ZGLP1: variants seen among roughly 807,000 people sequenced by gnomAD.
ZGLP1 encodes the protein zinc finger GATA like protein 1.
In ZGLP1, 11 loss-of-function variants were observed where a neutral mutation model predicts 21.4. That is an observed-to-expected ratio of 0.51 (90% CI 0.32 to 0.85). ZGLP1 has a LOEUF of 0.85. ZGLP1 is among the 40% of genes least tolerant of loss of function. The pLI, the probability that ZGLP1 is intolerant of heterozygous loss-of-function variation, is 0.03. For missense variants in ZGLP1, 295 were observed against 355.6 expected (o/e 0.83, Z 1.37); for synonymous variants, 148 against 145.0 (o/e 1.02, Z -0.15).
exon 1 of ZGLP1, chr19:10,308,957 G>A (rs2040296698): frequency 3.4e-6 from 1 of 291,028 alleles, no homozygotes; most frequent in Admixed American, 4.9e-5. Context: ...TCAGGACTCA[G>A]TGCAGCCTAG....
rs774150680 is a variant in ZGLP1, at chr19:10,305,183, A to G, written c.724T>C (p.Ser242Pro). Reference sequence around the variant, plus strand: ...TTCCTGGGCACCAGCCAGCAGCTGGAGCAGCGAGTGCCGTATTTCTTGTAC... The same window carrying G: ...TTCCTGGGCACCAGCCAGCAGCTGGGGCAGCGAGTGCCGTATTTCTTGTAC... Residue 242 changes from serine (S) to proline (P), a missense_variant, in exon 4 of 4, where the codon TCC becomes CCC. Around this residue, in one of 2 missense-constraint regions of ZGLP1, gnomAD observed 43 missense variants for 91.7 expected, o/e 0.47. Coordinates refer to ENST00000403903, the Ensembl canonical transcript of ZGLP1. This position sits in a 1 kb window ranked among gnomAD's most constrained non-coding sequence, Gnocchi z 4.7. 2.5e-6 allele frequency: 4 copies of G among 1,613,854 alleles called. No individual in the cohort carries two copies. The highest frequency in any genetic ancestry group is 3.4e-6 in the Non-Finnish European group (4 of 1,179,900).
In ZGLP1 at chr19:10,305,802, T is replaced by C. The variant is rs1201277766; in HGVS notation, c.604+44A>G. On this transcript the variant is annotated intron_variant, in intron 2 of 3. Coordinates refer to ENST00000403903, the Ensembl canonical transcript of ZGLP1. The surrounding 1 kb of genome is among the most constrained non-coding windows in gnomAD (Gnocchi z 4.7). ...GGAGAAAGGCAGGGAAGACAGGAAA[T>C]TGGCCCCCAAAATATTTATAGCTCT... The C allele has an allele frequency of 1.4e-6, 2 of 1,448,508 alleles. No homozygotes were observed. Among genetic ancestry groups the C allele is most frequent in the East Asian group, 2.5e-5 (1 of 40,496 alleles). 89.7% of individuals were successfully genotyped at this position (1,448,508 alleles called of 1,614,324 possible). A position where few individuals can be genotyped will look rare whatever the true frequency, so the allele number is the denominator to read the frequency against.
chr19:10,305,446 G>A lies in ZGLP1; in HGVS notation c.642C>T (p.Thr214=). The A allele has an allele frequency of 6.3e-7, 1 of 1,599,906 alleles. No homozygotes were observed. Among genetic ancestry groups the A allele is most frequent in the Non-Finnish European group, 8.5e-7 (1 of 1,173,424 alleles). The change falls in exon 3 of 4, where the codon ACC becomes ACT. Residue 214 remains threonine (T), a synonymous_variant. Coordinates refer to ENST00000403903, the Ensembl canonical transcript of ZGLP1. The surrounding 1 kb of genome is among the most constrained non-coding windows in gnomAD (Gnocchi z 4.7). ...CATCTTCAGCGTCTCTCCAGAGCGG[G>A]GTCCTCTGGGTCCGACAGGAAGCAC...
intron 1 of ZGLP1, 117 bp from the exon 3 acceptor site, chr19:10,306,069 T>A (rs771260245): frequency 1.7e-6 from 1 of 581,814 alleles, no homozygotes; most frequent in Non-Finnish European, 3.0e-6. Flanking sequence ...GCAACTAATA[T>A]CTGAATGGCC....
exon 1 of ZGLP1, chr19:10,308,445 C>A: frequency 6.2e-7 from 1 of 1,610,172 alleles, no homozygotes. Context: ...CCCAGCAAGG[C>A]CCCAGGACCG....
chr19:10,304,949 C>A (rs1455752665), exon 4 of ZGLP1: 5 of 680,400 alleles, frequency 7.3e-6, no homozygotes, highest in Middle Eastern at 4.0e-4. Context: ...CCTGGGTCTT[C>A]CCCCGGGATC....
exon 1 of ZGLP1, chr19:10,308,855 G>T (rs1179345585): frequency 6.3e-6 from 3 of 477,554 alleles, no homozygotes; most frequent in African/African-American, 2.0e-5. Flanking sequence ...GCCTCTGGCT[G>T]CAGGATCGAG....
rs1221389005 is a variant in ZGLP1, at chr19:10,305,178, G to C, written c.729C>G (p.Ser243Arg). The C allele has an allele frequency of 6.2e-7, 1 of 1,614,026 alleles. No individual in the cohort carries two copies. Among genetic ancestry groups the C allele is most frequent in the Non-Finnish European group, 8.5e-7 (1 of 1,179,906 alleles). Residue 243 changes from serine (S) to arginine (R), a missense_variant, in exon 4 of 4, where the codon AGC becomes AGG. By Grantham distance (110) the Ser-to-Arg change is moderately radical. Coordinates refer to ENST00000403903, the Ensembl canonical transcript of ZGLP1. This position sits in a 1 kb window ranked among gnomAD's most constrained non-coding sequence, Gnocchi z 4.7. ...CATTTTTCCTGGGCACCAGCCAGCA[G>C]CTGGAGCAGCGAGTGCCGTATTTCT...
intron 1 of ZGLP1, among the ~76,000 whole-genome samples, chr19:10,306,670 C>A (rs1469285830): frequency 2.0e-5 from 3 of 151,876 alleles, no homozygotes; most frequent in Non-Finnish European, 4.4e-5. Context: ...AAAAAAATAG[C>A]CAGGAGTGGT....
chr19:10,308,167 G>A lies in ZGLP1; in HGVS notation c.497+18C>T. The A allele has an allele frequency of 6.6e-7, 1 of 1,514,930 alleles. No individual in the cohort carries two copies. The highest frequency in any genetic ancestry group is 1.3e-5 in the South Asian group (1 of 76,210). The allele number at this position is 1,514,930 out of a possible 1,614,324, so 93.8% of individuals were successfully genotyped here. On this transcript the variant is annotated intron_variant, in intron 1 of 3. Transcript: ENST00000403903. ...TGTAACTGGGAGAAAGGGCGGCCTG[G>A]CCCCAGCCGGCCCCTACCTGTACGT... is the stretch of plus-strand genomic sequence containing the variant.
At position 10,305,753 on chromosome 19, in the gene ZGLP1, G is replaced by C; in HGVS notation, c.604+93C>G. ...CTCCCTGAGGGCTCTAAATGGGGAAGCAAGATGGAGAAGGGGGGGGCAGGG... is the reference window on the plus strand; with the variant it reads ...CTCCCTGAGGGCTCTAAATGGGGAACCAAGATGGAGAAGGGGGGGGCAGGG... On this transcript the variant is annotated intron_variant, in intron 2 of 3. Transcript: ENST00000403903. The surrounding 1 kb of genome is among the most constrained non-coding windows in gnomAD (Gnocchi z 4.7). 9.2e-7 allele frequency: 1 copy of C among 1,084,178 alleles called. No individual in the cohort carries two copies. The highest frequency in any genetic ancestry group is 1.4e-6 in the Non-Finnish European group (1 of 725,066). The allele number at this position is 1,084,178 out of a possible 1,614,324, so 67.2% of individuals were successfully genotyped here.
At chr19:10,306,647 G>A (rs751560375) in intron 1 of ZGLP1, among the ~76,000 whole-genome samples, 4 of 151,792 alleles carry the variant, frequency 2.6e-5, no homozygotes, top group East Asian at 1.9e-4. Flanking sequence ...GGGAGACCCC[G>A]TCTCTACAAA....
rs967922538 is a variant in ZGLP1 at position 10,305,894 on chromosome 19, C to T, written c.556G>A (p.Ala186Thr). The change falls in exon 2 of 4, where the codon GCC (alanine) becomes ACC (threonine). Residue 186 changes from alanine (A) to threonine (T), a missense_variant. Physicochemically the swap from Ala to Thr is moderately conservative, Grantham distance 58. Transcript: ENST00000403903. This position sits in a 1 kb window ranked among gnomAD's most constrained non-coding sequence, Gnocchi z 4.7. The stretch of plus-strand genomic sequence containing the variant: ...TGGGCCTCGGTGCCTCCTGGGTGGG[C>T]TGCAGGGCCCCCAACAGCATCTGCA... 9 of 1,564,704 alleles carry T rather than the reference C, an allele frequency of 5.8e-6. No homozygotes were observed. The highest frequency in any genetic ancestry group is 6.9e-6 in the Non-Finnish European group (8 of 1,153,188).
chr19:10,305,619 G>A lies in ZGLP1; in HGVS notation c.605-136C>T. On this transcript the variant is annotated intron_variant, in intron 2 of 3. Coordinates refer to ENST00000403903, the Ensembl canonical transcript of ZGLP1. The surrounding 1 kb of genome is among the most constrained non-coding windows in gnomAD (Gnocchi z 4.7). ...TCTGGATCAGCCCTGGGAGTTGCCA[G>A]CTCTAAGCCACAGCAAAGCCAGGAA... 1.2e-6 allele frequency: 1 copy of A among 817,398 alleles called. No individual in the cohort carries two copies. The highest frequency in any genetic ancestry group is 2.0e-6 in the Non-Finnish European group (1 of 506,174). 50.6% of individuals were successfully genotyped at this position (817,398 alleles called of 1,614,324 possible).
exon 1 of ZGLP1, chr19:10,308,622 T>C: frequency 1.3e-6 from 2 of 1,533,076 alleles, no homozygotes; most frequent in Non-Finnish European, 1.8e-6. Context: ...GGGTTCCAAC[T>C]TGGGCCGGCT....
At chr19:10,307,170 A>G (rs1353869557) in intron 1 of ZGLP1, among the ~76,000 whole-genome samples, 1 of 151,874 alleles carries the variant, frequency 6.6e-6, no homozygotes, top group Admixed American at 6.6e-5. Context: ...CGGCATGATT[A>G]AAAAAGTCAT....
intron 1 of ZGLP1, among the ~76,000 whole-genome samples, chr19:10,306,842 A>G (rs1780571163): frequency 6.6e-6 from 1 of 151,984 alleles, no homozygotes; most frequent in South Asian, 2.1e-4. Context: ...CAAAAGCAAA[A>G]AAAAGCAGCC....
At chr19:10,308,753 G>C in exon 1 of ZGLP1, 1 of 1,359,820 alleles carries the variant, frequency 7.4e-7, no homozygotes, top group Non-Finnish European at 9.6e-7. Flanking sequence ...GGCCTCCCAG[G>C]CACGCCCAGC....
intron 1 of ZGLP1, among the ~76,000 whole-genome samples, chr19:10,307,717 T>C (rs999483053): frequency 6.6e-6 from 1 of 152,168 alleles, no homozygotes; most frequent in East Asian, 1.9e-4. Flanking sequence ...GGTTTCACTA[T>C]GTTGGCCAGG....
Sources: allele counts gnomAD v4.1 joint callset (sites outside exome capture counted in the v4.1 genomes callset), GRCh38; gene constraint gnomAD v4.1.1; regional missense constraint gnomAD v4.1.1; non-coding constraint Gnocchi (gnomAD v3.1); transcripts MANE v1.5; gene names NCBI Gene and HGNC (gene_info 2026-07-23, HGNC 2026-07-21).